Variants in SEPTIN3 observed in about 807,000 individuals in gnomAD.
The protein encoded by SEPTIN3 is neuronal-specific septin-3.
SEPTIN3 carries 15 observed loss-of-function variants against 45.1 expected under a neutral mutation model. The observed-to-expected ratio is 0.33, with a 90% CI of 0.22 to 0.51. The LOEUF is 0.51. Ranked by LOEUF, SEPTIN3 falls within the 20% of genes least tolerant of loss-of-function variation. The pLI is 0.97. For missense variants in SEPTIN3, 289 were observed against 457.2 expected (o/e 0.63, Z 3.35); for synonymous variants, 148 against 164.8 (o/e 0.90, Z 0.78).
intron 11 of SEPTIN3, chr22:41,996,330 A>G (rs1343806622): frequency 3.2e-5 from 32 of 985,302 alleles, no homozygotes; most frequent in Non-Finnish European, 3.6e-5. Flanking sequence ...GCCTTAGGGA[A>G]GGGAAAACAC....
rs2078233664 is a variant in SEPTIN3, at chr22:41,987,754, A to T, written c.2040A>T (p.Gly680=). Residue 680 remains glycine, a synonymous_variant, in exon 6 of 12, where the codon GGA becomes GGT. Coordinates refer to ENST00000644076, the MANE Select transcript of SEPTIN3 (RefSeq NM_001363845.2). ...HCCLYFISPT[G]HSLRPLDLEF... ...GCCTTTACTTCATCTCTCCCACAGG[A>T]CACTCGTATGTACCAACCCTACCCC... 1 of 1,613,090 alleles carries T rather than the reference A, an allele frequency of 6.2e-7. No homozygotes were observed. The highest frequency in any genetic ancestry group is 8.5e-7 in the Non-Finnish European group (1 of 1,179,342).
rs996236556 is a variant in SEPTIN3 at position 41,994,812 on chromosome 22, A to G, written c.2505+98A>G. On this transcript the variant is annotated intron_variant, in intron 11 of 11. Transcript: ENST00000644076. This position sits in a 1 kb window ranked among gnomAD's most constrained non-coding sequence, Gnocchi z 4.2. Reference sequence around the variant, plus strand: ...CACTTCACACACACACATCCCAAATACCACCACCAACCACCTTCTTCCTCT... The same window carrying G: ...CACTTCACACACACACATCCCAAATGCCACCACCAACCACCTTCTTCCTCT... 5.6e-6 allele frequency: 9 copies of G among 1,605,964 alleles called. No homozygotes were observed. Among genetic ancestry groups the G allele is most frequent in the Non-Finnish European group, 7.6e-6 (9 of 1,176,808 alleles).
At chr22:41,979,908 G>A (rs1287288957) in intron 2 of SEPTIN3, among the ~76,000 whole-genome samples, 1 of 152,128 alleles carries the variant, frequency 6.6e-6, no homozygotes. Context: ...CTGTAAGGTT[G>A]AGACTCTGCA....
chr22:41,994,150 C>T lies in SEPTIN3; in HGVS notation c.2360-140C>T. Reference sequence around the variant, plus strand: ...ATCCAGTACACCCAAGTGAGCAAATCTCTGGAAGGGTTACAAAAAATGACC... The same window carrying T: ...ATCCAGTACACCCAAGTGAGCAAATTTCTGGAAGGGTTACAAAAAATGACC... On this transcript the variant is annotated intron_variant, in intron 9 of 11. Transcript: ENST00000644076. The surrounding 1 kb of genome is among the most constrained non-coding windows in gnomAD (Gnocchi z 4.2). The T allele has an allele frequency of 1.4e-6, 1 of 692,226 alleles. No homozygotes were observed. Among genetic ancestry groups the T allele is most frequent in the East Asian group, 2.7e-5 (1 of 37,476 alleles). 42.9% of individuals were successfully genotyped at this position (692,226 alleles called of 1,614,324 possible).
chr22:41,985,093 C>A (rs546963546), intron 3 of SEPTIN3, among the ~76,000 whole-genome samples: 5 of 150,624 alleles, frequency 3.3e-5, no homozygotes, highest in African/African-American at 1.2e-4. Flanking sequence ...CTCCTGACCT[C>A]ATGATCCGCC....
chr22:41,987,411 A>AGGGGCCCT, intron 5 of SEPTIN3, 124 bp downstream of exon 5: 1 of 1,124,234 alleles, frequency 8.9e-7, no homozygotes, highest in Non-Finnish European at 1.3e-6. Flanking sequence ...CCGACAGCCC[A>AGGGGCCCT]GGCCAGGGCC....
chr22:41,991,994 T>C (rs530053595), intron 8 of SEPTIN3, among the ~76,000 whole-genome samples: 41 of 152,296 alleles, frequency 2.7e-4, no homozygotes, highest in Admixed American at 2.2e-3. Context: ...GGAGGATCTA[T>C]GCTGTGGTCA....
At chr22:41,991,533 C>A in intron 7 of SEPTIN3, 40 bp from the exon 8 acceptor site, 1 of 1,457,712 alleles carries the variant, frequency 6.9e-7, no homozygotes, top group East Asian at 2.3e-5. Flanking sequence ...TTTCCATTAC[C>A]CTGACACTTG....
At position 41,987,208 on chromosome 22, in the gene SEPTIN3, A is replaced by G. The variant is rs1291549453; in HGVS notation, c.1828A>G (p.Ile610Val). Reference protein sequence around the residue: ...TVEIKAIGHVIEEGGVKMKLT... With the variant: ...TVEIKAIGHVVEEGGVKMKLT... ...GTACATTTTCTTTTCACCCCCAGTG[A>G]TAGAGGAAGGCGGTGTCAAAATGAA... Residue 610 changes from isoleucine (I) to valine (V), a missense_variant and splice_region_variant, in exon 5 of 12, where the codon ATA becomes GTA. This residue lies in a region of SEPTIN3 where 200 missense variants were observed against 315.1 expected (regional missense o/e 0.63). Coordinates refer to ENST00000644076, the MANE Select transcript of SEPTIN3 (RefSeq NM_001363845.2). 7 of 1,612,794 alleles carry G rather than the reference A, an allele frequency of 4.3e-6. No homozygotes were observed. In the Admixed American group the frequency reaches 6.7e-5, roughly 15 times the overall value.
intron 2 of SEPTIN3, among the ~76,000 whole-genome samples, chr22:41,979,052 G>C (rs919303461): frequency 2.6e-5 from 4 of 152,214 alleles, no homozygotes; most frequent in Admixed American, 6.5e-5. Context: ...GCATGTCACT[G>C]GCATGTGGTG....
rs142635950 is a variant in SEPTIN3 at position 41,989,073 on chromosome 22, C to T, written c.2046-494C>T. Reference sequence around the variant, plus strand: ...CCCTGGAGGTCAAGGCTGCAGTGAGCCAATGACCATATCACTGCACTCCAG... The same window carrying T: ...CCCTGGAGGTCAAGGCTGCAGTGAGTCAATGACCATATCACTGCACTCCAG... On this transcript the variant is annotated intron_variant, in intron 6 of 11. Coordinates refer to ENST00000644076, the MANE Select transcript of SEPTIN3 (RefSeq NM_001363845.2). Among the ~76,000 whole-genome samples the T allele has an allele frequency of 1.4e-4, 21 of 147,024 alleles. No individual in the cohort carries two copies. The East Asian group carries it at 3.4e-3, about 24-fold the overall frequency.
At position 41,986,121 on chromosome 22, in the gene SEPTIN3, C is replaced by T. The variant is rs779721835; in HGVS notation, c.1825+9C>T. ...CAAAGCTATCGGGCATGGTGAGGAC[C>T]AGGCAGGGACCCCTATGGGCTTTGT... On this transcript the variant is annotated intron_variant, in intron 4 of 11. Coordinates refer to ENST00000644076, the MANE Select transcript of SEPTIN3 (RefSeq NM_001363845.2). The T allele has an allele frequency of 1.2e-6, 2 of 1,611,536 alleles. No individual in the cohort carries two copies. Among genetic ancestry groups the T allele is most frequent in the African/African-American group, 2.7e-5 (2 of 74,828 alleles).
At position 41,994,869 on chromosome 22, in the gene SEPTIN3, G is replaced by A. The variant is rs566278863; in HGVS notation, c.2505+155G>A. On this transcript the variant is annotated intron_variant, in intron 11 of 11. Coordinates refer to ENST00000644076, the MANE Select transcript of SEPTIN3 (RefSeq NM_001363845.2). The surrounding 1 kb of genome is among the most constrained non-coding windows in gnomAD (Gnocchi z 4.2). ...TGTCCCACAGGCCTGTCTGGTATTT[G>A]TGGAGCATCTTGTCTGTGTGTGTGT... The A allele has an allele frequency of 6.4e-7, 1 of 1,551,366 alleles. No individual in the cohort carries two copies. Among genetic ancestry groups the A allele is most frequent in the East Asian group, 2.4e-5 (1 of 42,456 alleles).
chr22:41,971,214 C>T (rs1270298346), intron 1 of SEPTIN3, among the ~76,000 whole-genome samples: 1 of 152,150 alleles, frequency 6.6e-6, no homozygotes, highest in African/African-American at 2.4e-5. Flanking sequence ...GCAGACTGCT[C>T]ACTGGACGTG....
At position 41,974,906 on chromosome 22, in the gene SEPTIN3, T is replaced by C. The variant is rs141029606; in HGVS notation, c.1504+1910T>C. On this transcript the variant is annotated intron_variant, in intron 2 of 11. Transcript: ENST00000644076. ...AAAAAAAAGCAAGCCTCCTACCTCC[T>C]ACGTGAAAATACTGACTAGCGCTTT... Among the ~76,000 whole-genome samples the C allele has an allele frequency of 2.5e-3, 337 of 134,638 alleles. 10 individuals are homozygous for C. In the East Asian group the frequency reaches 0.075, roughly 30 times the overall value. The allele number at this position is 134,638 out of a possible 152,430, so 88.3% of individuals were successfully genotyped here.
intron 11 of SEPTIN3, chr22:41,996,567 T>G: frequency 9.3e-7 from 1 of 1,080,468 alleles, no homozygotes; most frequent in Admixed American, 5.3e-5. Flanking sequence ...TCTCGGTCTT[T>G]CCTGGAGGCT....
chr22:41,995,360 A>T, intron 11 of SEPTIN3: 1 of 987,882 alleles, frequency 1.0e-6, no homozygotes, highest in Non-Finnish European at 1.2e-6. Context: ...AGTGCCTACA[A>T]ATGGAGCTCC....
chr22:41,977,163 T>C, intron 2 of SEPTIN3: 1 of 1,390,636 alleles, frequency 7.2e-7, no homozygotes, highest in South Asian at 1.3e-5. Flanking sequence ...GGGGAGGGTT[T>C]CCGCGCCGAG....
At chr22:41,978,340 G>A (rs557649202) in intron 2 of SEPTIN3, among the ~76,000 whole-genome samples, 14 of 152,318 alleles carry the variant, frequency 9.2e-5, no homozygotes, top group East Asian at 3.9e-4. Context: ...AGATCAATAA[G>A]ACACGGCCCC....
Sources: gnomAD v4.1 joint callset for allele counts (sites outside exome capture counted in the v4.1 genomes callset) on GRCh38, gnomAD v4.1.1 for gene constraint, gnomAD v4.1.1 regional missense constraint, Gnocchi (gnomAD v3.1) non-coding constraint, MANE v1.5 for transcripts, NCBI Gene and HGNC (gene_info 2026-07-23, HGNC 2026-07-21) for gene names.